DACT2: variants seen among roughly 807,000 people sequenced by gnomAD.
The protein encoded by DACT2 is dapper homolog 2.
Under a neutral mutation model 22.2 loss-of-function variants are expected in DACT2, and 20 were observed. The ratio of observed to expected loss-of-function variants is 0.90; its 90% confidence interval spans 0.63 to 1.31. The LOEUF (loss-of-function observed/expected upper bound fraction) is 1.31, where lower values mean the gene tolerates loss of function less well. Among genes scored for constraint, DACT2 ranks in the 50% most tolerant of loss-of-function variants. The probability of loss-of-function intolerance (pLI) is 0.00; values close to 1 mark genes in which losing one functional copy is unlikely to be tolerated. For missense variants in DACT2, 1,048 were observed against 1,061.4 expected (o/e 0.99, Z 0.18); for synonymous variants, 463 against 479.8 (o/e 0.96, Z 0.46).
At chr6:168,315,383 T>C (rs1251831966) in intron 1 of DACT2, among the ~76,000 whole-genome samples, 1 of 152,264 alleles carries the variant, frequency 6.6e-6, no homozygotes, top group East Asian at 1.9e-4. Flanking sequence ...CCGGCACTTC[T>C]TGGGAACGAC....
At chr6:168,311,489 C>T (rs564692732) in intron 1 of DACT2, among the ~76,000 whole-genome samples, 18 of 151,346 alleles carry the variant, frequency 1.2e-4, no homozygotes, top group African/African-American at 4.2e-4. Flanking sequence ...TCTACTGACA[C>T]CCATCGCCCC....
At chr6:168,309,418 CGT>C (rs1583298249) in intron 3 of DACT2, among the ~76,000 whole-genome samples, 1 of 151,470 alleles carries the variant, frequency 6.6e-6, no homozygotes, top group Admixed American at 6.6e-5. Context: ...GGGCCGTTTG[CGT>C]GTAGACACAG....
intron 1 of DACT2, 58 bp downstream of exon 1, chr6:168,319,330 G>A: frequency 8.5e-7 from 1 of 1,177,672 alleles, no homozygotes; most frequent in Non-Finnish European, 1.1e-6. Flanking sequence ...GCTGCCGAAG[G>A]AGCAGCGCCT....
At chr6:168,295,796 G>A (rs535792304) in intron 3 of DACT2, among the ~76,000 whole-genome samples, 1 of 152,374 alleles carries the variant, frequency 6.6e-6, no homozygotes, top group South Asian at 2.1e-4. Context: ...GAAAAGCTGC[G>A]ATATTTGGCT....
chr6:168,312,055 C>T (rs907047267), intron 1 of DACT2, among the ~76,000 whole-genome samples: 2 of 152,228 alleles, frequency 1.3e-5, no homozygotes, highest in Admixed American at 6.5e-5. Flanking sequence ...CTATAAGTCC[C>T]TTCTCCTTCC....
Position 168,307,611 on chromosome 6 carries a change from C to A in DACT2, c.2146G>T (p.Ala716Ser). The change falls in exon 4 of 4, where the codon GCA becomes TCA. Residue 716 changes from alanine (A) to serine (S), a missense_variant. Coordinates refer to ENST00000366795, the MANE Select transcript of DACT2 (RefSeq NM_214462.5). The surrounding 1 kb of genome is among the most constrained non-coding windows in gnomAD (Gnocchi z 5.3). ...GGAQSRDCDL[A>S]LGYVAAGHAE... ...TGCCCGGCCGCCACATAGCCCAGTG[C>A]CAGGTCACAGTCCCTGCTCTGGGCG... 6.5e-7 allele frequency: 1 copy of A among 1,548,432 alleles called. No individual in the cohort carries two copies.
At position 168,309,146 on chromosome 6, in the gene DACT2, G is replaced by A. The variant is rs1779322506; in HGVS notation, c.659-48C>T. ...AACACGTAACTACGGAGACGATTTA[G>A]TGCACTGTTGATTTCATTTCATGCG... On this transcript the variant is annotated intron_variant, in intron 3 of 3. Transcript: ENST00000366795. The A allele has an allele frequency of 2.1e-6, 3 of 1,457,320 alleles. No homozygotes were observed. The African/African-American group carries it at 4.2e-5, about 21-fold the overall frequency. 90.3% of individuals were successfully genotyped at this position (1,457,320 alleles called of 1,614,324 possible). A position where few individuals can be genotyped will look rare whatever the true frequency, so the allele number is the denominator to read the frequency against.
At chr6:168,310,557 G>T in intron 2 of DACT2, 111 bp from the exon 3 acceptor site, 1 of 1,352,082 alleles carries the variant, frequency 7.4e-7, no homozygotes, top group Non-Finnish European at 9.9e-7. Flanking sequence ...CCCCTGAGCT[G>T]AGGCTACCGG....
intron 2 of DACT2, among the ~76,000 whole-genome samples, chr6:168,310,666 G>A (rs952496725): frequency 1.3e-5 from 2 of 152,210 alleles, no homozygotes; most frequent in African/African-American, 4.8e-5. Context: ...GTTGGTCAGA[G>A]CCCACTCCAC....
In DACT2 at chr6:168,308,981, T is replaced by C. The variant is rs1779315496; in HGVS notation, c.776A>G (p.Lys259Arg). Residue 259 changes from lysine to arginine, a missense_variant, in exon 4 of 4, where the codon AAG becomes AGG. Lys to Arg is a conservative substitution (Grantham distance 26, BLOSUM62 2). Transcript: ENST00000366795. Reference sequence around the variant, plus strand: ...CTGGGACACCAGGTCCTGCCGATACTTGGGGTCCGGCACGTGCAGCGGGAT... The same window carrying C: ...CTGGGACACCAGGTCCTGCCGATACCTGGGGTCCGGCACGTGCAGCGGGAT... ...VDIPLHVPDPKYRQDLVSQGG... is the reference protein window; with the variant it reads ...VDIPLHVPDPRYRQDLVSQGG... The C allele has an allele frequency of 3.2e-6, 5 of 1,549,600 alleles. No individual in the cohort carries two copies. Among genetic ancestry groups the C allele is most frequent in the Non-Finnish European group, 4.4e-6 (5 of 1,146,948 alleles).
chr6:168,310,267 A>T lies in DACT2; in HGVS notation c.559T>A (p.Trp187Arg). 1 of 1,551,428 alleles carries T rather than the reference A, an allele frequency of 6.4e-7. No individual in the cohort carries two copies. The highest frequency in any genetic ancestry group is 2.4e-5 in the East Asian group (1 of 40,878). ...CCCTCCTCGGTAGCCTGGGGTCTCC[A>T]CGCTGGCACAGTAGTCTCATCAACC... ...RSVDETTVPA[W>R]RPQATEEGAR... is the part of the protein sequence containing the mutation. The change falls in exon 3 of 4, where the codon TGG becomes AGG. Residue 187 changes from tryptophan to arginine, a missense_variant. Transcript: ENST00000366795.
chr6:168,309,450 G>A (rs74816829), intron 3 of DACT2, among the ~76,000 whole-genome samples: 5,464 of 140,396 alleles, frequency 0.039, 181 homozygotes, highest in African/African-American at 0.12. Context: ...CCGTTTGCGT[G>A]TAGACACAGG....
At position 168,307,433 on chromosome 6, in the gene DACT2, C is replaced by A; in HGVS notation, c.2324G>T (p.Ter775LeuextTer57). ...TTCTCTTGACGCAGTCACTGCACCT[C>A]ACACCATGGTCATGACCTTCAGGGC... is the stretch of plus-strand genomic sequence containing the variant. ...PTALKVMTMV[*>L] Residue 775 changes from the stop codon to leucine, a stop_lost, in exon 4 of 4, where the codon TGA becomes TTA. Coordinates refer to ENST00000366795, the MANE Select transcript of DACT2 (RefSeq NM_214462.5). The surrounding 1 kb of genome is among the most constrained non-coding windows in gnomAD (Gnocchi z 5.3). The A allele has an allele frequency of 6.4e-7, 1 of 1,551,648 alleles. No homozygotes were observed. Among genetic ancestry groups the A allele is most frequent in the South Asian group, 1.2e-5 (1 of 84,050 alleles).
chr6:168,296,961 A>C (rs556711435), intron 3 of DACT2, among the ~76,000 whole-genome samples: 3 of 152,234 alleles, frequency 2.0e-5, no homozygotes, highest in African/African-American at 7.2e-5. Flanking sequence ...CAATGAAAAC[A>C]ATGAGAAAAT....
intron 3 of DACT2, among the ~76,000 whole-genome samples, chr6:168,296,656 A>G (rs1261664941): frequency 2.6e-5 from 4 of 152,258 alleles, no homozygotes; most frequent in Admixed American, 2.0e-4. Context: ...ACACAAGGGC[A>G]AGTATCACGG....
At chr6:168,294,577 GTATATATA>G (rs1554269708) in intron 4 of DACT2, 73 of 124,406 alleles carry the variant, frequency 5.9e-4, no homozygotes, top group East Asian at 1.2e-3. Flanking sequence ...GTGTGTGTGT[GTATATATA>G]TATATATATA....
At chr6:168,309,566 C>T (rs73258877) in intron 3 of DACT2, among the ~76,000 whole-genome samples, 2,556 of 129,974 alleles carry the variant, frequency 0.02, 36 homozygotes, top group African/African-American at 0.055. Flanking sequence ...TCAGCGCCCT[C>T]ATTTCCCTGA....
Position 168,308,873 on chromosome 6 carries a change from G to A in DACT2, c.884C>T (p.Thr295Ile). The change falls in exon 4 of 4, where the codon ACC becomes ATC. Residue 295 changes from threonine to isoleucine, a missense_variant. Thr to Ile is a moderately conservative substitution (Grantham distance 89, BLOSUM62 -1). Coordinates refer to ENST00000366795, the MANE Select transcript of DACT2 (RefSeq NM_214462.5). ...GAACGAGGGGCCACCTCTCTGTGGGGTTTCCTTAGTCAGGACAAACAGGGG... is the reference window on the plus strand; with the variant it reads ...GAACGAGGGGCCACCTCTCTGTGGGATTTCCTTAGTCAGGACAAACAGGGG... The part of the protein sequence containing the change: ...QSPLFVLTKE[T>I]PQRGGPSFPR... 2 of 1,551,028 alleles carry A rather than the reference G, an allele frequency of 1.3e-6. No individual in the cohort carries two copies. The highest frequency in any genetic ancestry group is 8.7e-7 in the Non-Finnish European group (1 of 1,146,858).
At position 168,307,151 on chromosome 6, in the gene DACT2, C is replaced by T. The variant is rs929341802; in HGVS notation, c.*281G>A. 337 of 1,251,838 alleles carry T rather than the reference C, an allele frequency of 2.7e-4. No homozygotes were observed. The highest frequency in any genetic ancestry group is 2.4e-4 in the Non-Finnish European group (234 of 995,440). 77.5% of individuals were successfully genotyped at this position (1,251,838 alleles called of 1,614,324 possible). On this transcript the variant is annotated 3_prime_UTR_variant, in exon 4 of 4. Coordinates refer to ENST00000366795, the MANE Select transcript of DACT2 (RefSeq NM_214462.5). The surrounding 1 kb of genome is among the most constrained non-coding windows in gnomAD (Gnocchi z 5.3). ...GACAACATGGAAACAAGGTGCATGC[C>T]GGGAAGCAGCATCCTGGGCAGACCT...
Sources: gnomAD v4.1 joint callset for allele counts (sites outside exome capture counted in the v4.1 genomes callset) on GRCh38, gnomAD v4.1.1 for gene constraint, Gnocchi (gnomAD v3.1) non-coding constraint, MANE v1.5 for transcripts, NCBI Gene and HGNC (gene_info 2026-07-23, HGNC 2026-07-21) for gene names.